The following TMTC1 variants were observed in gnomAD, a reference collection of about 807,000 sequenced individuals.
TMTC1 encodes the protein protein O-mannosyl-transferase TMTC1.
TMTC1 carries 73 observed loss-of-function variants against 104.8 expected under a neutral mutation model. The observed-to-expected ratio is 0.70, with a 90% CI of 0.58 to 0.85. The LOEUF (loss-of-function observed/expected upper bound fraction) is 0.85, where lower values mean the gene tolerates loss of function less well. Ranked by LOEUF, TMTC1 falls within the 40% of genes least tolerant of loss-of-function variation. The pLI, the probability that TMTC1 is intolerant of heterozygous loss-of-function variation, is 0.00. For synonymous variants in TMTC1, 434 were observed against 428.7 expected, an observed-to-expected ratio of 1.01 and a Z score of -0.15; for missense variants, 1,035 against 1,096.1, an observed-to-expected ratio of 0.94 and a Z score of 0.79.
intron 5 of TMTC1, among the ~76,000 whole-genome samples, chr12:29,675,056 CTT>C (rs1189403943): frequency 2.0e-5 from 3 of 152,194 alleles, no homozygotes; most frequent in African/African-American, 7.2e-5. Context: ...TGCAAAGTAA[CTT>C]AATGTTAAAA....
At chr12:29,653,764 A>G (rs1452417527) in intron 5 of TMTC1, among the ~76,000 whole-genome samples, 1 of 152,222 alleles carries the variant, frequency 6.6e-6, no homozygotes, top group Non-Finnish European at 1.5e-5. Context: ...CTGAATAATG[A>G]TGACCTCCAA....
At position 29,717,833 on chromosome 12, in the gene TMTC1, T is replaced by C. The variant is rs891185769; in HGVS notation, c.938+33833A>G. The stretch of plus-strand genomic sequence containing the variant: ...AAGACATGCACATCATTATAACTAA[T>C]TATTACAAGTGATTATTATAATAAT... On this transcript the variant is annotated intron_variant, in intron 5 of 17. Coordinates refer to ENST00000539277, the MANE Select transcript of TMTC1 (RefSeq NM_001193451.2). 4.6e-5 allele frequency among the ~76,000 whole-genome samples: 7 copies of C among 152,324 alleles called. No homozygotes were observed. In the East Asian group the frequency reaches 9.6e-4, roughly 21 times the overall value.
At chr12:29,538,161 T>A (rs1247375534) in intron 10 of TMTC1, among the ~76,000 whole-genome samples, 1 of 152,200 alleles carries the variant, frequency 6.6e-6, no homozygotes, top group Non-Finnish European at 1.5e-5. Flanking sequence ...ATAATTAATT[T>A]GTATTACAGC....
Position 29,751,673 on chromosome 12 carries a change from T to C in TMTC1, c.931A>G (p.Met311Val), listed in dbSNP as rs1355905402. ...AGAAACCCAGCCCAGTACCTCATCA[T>C]GGACCACACAGCTCGTGGGGACACT... is the stretch of plus-strand genomic sequence containing the variant. The part of the protein sequence containing the change: ...FPVSPRAVWS[M>V]MRFLTYSYLL... Residue 311 changes from methionine (M) to valine (V), a missense_variant, in exon 5 of 18, where the codon ATG becomes GTG. Met to Val is a conservative substitution (Grantham distance 21). Transcript: ENST00000539277. 13 of 1,614,024 alleles carry C rather than the reference T, an allele frequency of 8.1e-6. No individual in the cohort carries two copies. The highest frequency in any genetic ancestry group is 1.1e-5 in the South Asian group (1 of 91,078).
rs1565786336 is a variant in TMTC1 at position 29,710,903 on chromosome 12, TTAA to T, written c.938+40760_938+40762del. 2.3e-4 allele frequency among the ~76,000 whole-genome samples: 28 copies of T among 121,174 alleles called. 1 individual carries two copies. Among genetic ancestry groups the T allele is most frequent in the Admixed American group, 2.0e-3 (21 of 10,420 alleles). 79.5% of individuals were successfully genotyped at this position (121,174 alleles called of 152,430 possible). A position where few individuals can be genotyped will look rare whatever the true frequency, so the allele number is the denominator to read the frequency against. On this transcript the variant is annotated intron_variant, in intron 5 of 17. Coordinates refer to ENST00000539277, the MANE Select transcript of TMTC1 (RefSeq NM_001193451.2). Reference sequence around the variant, plus strand: ...ATTATATTATTAATATATAAATATATTAATAATATATAAATATATATAAATATA... The same window carrying T: ...ATTATATTATTAATATATAAATATATTAATATATAAATATATATAAATATA...
In TMTC1 at chr12:29,583,285, T is replaced by G. The variant is rs937743100; in HGVS notation, c.1418+122A>C. The stretch of plus-strand genomic sequence containing the variant: ...TAAAATTACATCTTCCATTTAAAAC[T>G]TTATTAAAGATAATTTTCCTTAGTA... On this transcript the variant is annotated intron_variant, in intron 8 of 17. Transcript: ENST00000539277. 15 of 898,284 alleles carry G rather than the reference T, an allele frequency of 1.7e-5. No individual in the cohort carries two copies. The African/African-American group carries it at 2.2e-4, about 13-fold the overall frequency. 55.6% of individuals were successfully genotyped at this position (898,284 alleles called of 1,614,324 possible). A position where few individuals can be genotyped will look rare whatever the true frequency, so the allele number is the denominator to read the frequency against.
intron 7 of TMTC1, among the ~76,000 whole-genome samples, chr12:29,592,565 T>C (rs1946308862): frequency 6.6e-6 from 1 of 152,170 alleles, no homozygotes; most frequent in East Asian, 1.9e-4. Flanking sequence ...CTAATTTTCT[T>C]TTACTCCTCT....
In TMTC1 at chr12:29,553,576, G is replaced by GA. The variant is rs376214813; in HGVS notation, c.1676+3280dup. Among the ~76,000 whole-genome samples, 930 of 151,518 alleles carry GA rather than the reference G, an allele frequency of 6.1e-3. 4 individuals carry two copies. Among genetic ancestry groups the GA allele is most frequent in the Non-Finnish European group, 7.9e-3 (538 of 67,818 alleles). The stretch of plus-strand genomic sequence containing the variant: ...TAAAGACTCATTGTAAGGGCATCAT[G>GA]AAAAAAAAGGCACTCAGGAAACAGT... On this transcript the variant is annotated intron_variant, in intron 10 of 17. Coordinates refer to ENST00000539277, the MANE Select transcript of TMTC1 (RefSeq NM_001193451.2).
At chr12:29,765,459 C>T (rs1943441929) in intron 2 of TMTC1, among the ~76,000 whole-genome samples, 1 of 152,044 alleles carries the variant, frequency 6.6e-6, no homozygotes, top group African/African-American at 2.4e-5. Context: ...ATTTCCCCCT[C>T]ATTTTTGTAA....
In TMTC1 at chr12:29,668,454, C is replaced by CTTTTTTTTT. The variant is rs66652706; in HGVS notation, c.939-35127_939-35119dup. On this transcript the variant is annotated intron_variant, in intron 5 of 17. Coordinates refer to ENST00000539277, the MANE Select transcript of TMTC1 (RefSeq NM_001193451.2). The stretch of plus-strand genomic sequence containing the variant: ...CCACATTCAAACCATACCAACTTAT[C>CTTTTTTTTT]TTTTTTTTTTTTTTTTTTTTTTTTG... Among the ~76,000 whole-genome samples, 220 of 90,072 alleles carry CTTTTTTTTT rather than the reference C, an allele frequency of 2.4e-3. 19 individuals are homozygous for CTTTTTTTTT. The highest frequency in any genetic ancestry group is 0.015 in the East Asian group (39 of 2,618). 59.1% of individuals were successfully genotyped at this position (90,072 alleles called of 152,430 possible).
intron 5 of TMTC1, chr12:29,660,662 C>G (rs1208072630): frequency 7.3e-6 from 2 of 272,704 alleles, no homozygotes; most frequent in African/African-American, 2.2e-5. Flanking sequence ...GGCATGCCAA[C>G]TGTTTGATCC....
chr12:29,736,261 CA>C (rs367958905), intron 5 of TMTC1, among the ~76,000 whole-genome samples: 33,283 of 88,662 alleles, frequency 0.38, 3,295 homozygotes, highest in Non-Finnish European at 0.43. Context: ...TAGGTAAAGC[CA>C]AAAAAAAAAA....
chr12:29,613,384 G>A (rs1946896122), intron 6 of TMTC1, among the ~76,000 whole-genome samples: 1 of 152,208 alleles, frequency 6.6e-6, no homozygotes, highest in African/African-American at 2.4e-5. Flanking sequence ...TCAGCCATGT[G>A]CTGGGAACCT....
chr12:29,657,216 A>T (rs1186114961), intron 5 of TMTC1, among the ~76,000 whole-genome samples: 1 of 152,240 alleles, frequency 6.6e-6, no homozygotes, highest in Non-Finnish European at 1.5e-5. Flanking sequence ...AAGGAAATGG[A>T]GCCATTATCC....
chr12:29,533,070 C>T (rs1944550571), intron 11 of TMTC1: 1 of 152,150 alleles, frequency 6.6e-6, no homozygotes, highest in South Asian at 2.1e-4. Context: ...CAAAATACAC[C>T]ATGTGTTTTC....
Position 29,710,889 on chromosome 12 carries a change from AATATATAAATATATTAATAATATATAAAT to A in TMTC1, c.938+40748_938+40776del, listed in dbSNP as rs1267039315. ...TTATATTATTATAAATTATATTATTAATATATAAATATATTAATAATATATAAATATATATAAATATATTAATAATATAT... is the reference window on the plus strand; with the variant it reads ...TTATATTATTATAAATTATATTATTAATATATAAATATATTAATAATATAT... On this transcript the variant is annotated intron_variant, in intron 5 of 17. Transcript: ENST00000539277. Among the ~76,000 whole-genome samples, 480 of 122,628 alleles carry A rather than the reference AATATATAAATATATTAATAATATATAAAT, an allele frequency of 3.9e-3. 5 individuals are homozygous for A. The highest frequency in any genetic ancestry group is 0.011 in the African/African-American group (323 of 30,304). The allele number at this position is 122,628 out of a possible 152,430, so 80.4% of individuals were successfully genotyped here.
intron 5 of TMTC1, among the ~76,000 whole-genome samples, chr12:29,666,662 T>C (rs1169570778): frequency 2.6e-5 from 4 of 152,154 alleles, no homozygotes; most frequent in African/African-American, 9.7e-5. Context: ...GAAATGGTAA[T>C]AGTGCCATTT....
At chr12:29,673,110 T>C (rs1336811635) in intron 5 of TMTC1, among the ~76,000 whole-genome samples, 2 of 152,180 alleles carry the variant, frequency 1.3e-5, no homozygotes, top group African/African-American at 2.4e-5. Context: ...TTTGAGAAGA[T>C]TTCAGTTTTA....
At chr12:29,710,282 G>T (rs958443555) in intron 5 of TMTC1, among the ~76,000 whole-genome samples, 3 of 152,060 alleles carry the variant, frequency 2.0e-5, no homozygotes, top group Non-Finnish European at 4.4e-5. Flanking sequence ...GGACACAGCA[G>T]ATCTTTTGTA....
Sources: allele counts gnomAD v4.1 joint callset (sites outside exome capture counted in the v4.1 genomes callset), GRCh38; gene constraint gnomAD v4.1.1; transcripts MANE v1.5; gene names NCBI Gene and HGNC (gene_info 2026-07-23, HGNC 2026-07-21).